CCL28: variants seen among roughly 807,000 people sequenced by gnomAD.
CCL28 encodes the protein C-C motif chemokine 28.
CCL28 carries 4 observed loss-of-function variants against 7.1 expected under a neutral mutation model. The ratio of observed to expected loss-of-function variants is 0.56; its 90% CI spans 0.28 to 1.29. CCL28 has a LOEUF of 1.29. Ranked by LOEUF, CCL28 falls within the 50% of genes most tolerant of loss-of-function variation. CCL28 has a pLI of 0.11. For synonymous variants in CCL28, 55 were observed against 57.8 expected (o/e 0.95, Z 0.22); for missense variants, 151 against 163.4 (o/e 0.92, Z 0.41).
At chr5:43,369,170 C>A in the CCL28 span, among the ~76,000 whole-genome samples, 1 of 151,486 alleles carries the variant, frequency 6.6e-6, no homozygotes, top group African/African-American at 2.4e-5. Flanking sequence ...TTGTTAGAAG[C>A]AAATCACTAG....
Position 43,412,390 on chromosome 5 carries a change from C to T in CCL28, c.-74G>A. ...ATCAGGAAATGAGGCTAAAGGTGTC[C>T]TTGGGCACAGAGAAAGTGCAGAGGA... On this transcript the variant is annotated 5_prime_UTR_variant, in exon 1 of 3. Coordinates refer to ENST00000361115, the MANE Select transcript of CCL28 (RefSeq NM_148672.3). The T allele has an allele frequency of 7.2e-7, 1 of 1,393,494 alleles. No individual in the cohort carries two copies. Among genetic ancestry groups the T allele is most frequent in the Non-Finnish European group, 1.0e-6 (1 of 1,001,502 alleles). 86.3% of individuals were successfully genotyped at this position (1,393,494 alleles called of 1,614,324 possible).
intron 2 of CCL28, among the ~76,000 whole-genome samples, chr5:43,383,218 T>C (rs566521361): frequency 2.0e-5 from 3 of 152,322 alleles, no homozygotes; most frequent in Non-Finnish European, 4.4e-5. Flanking sequence ...TTGAAAAAGA[T>C]ATTGGTGACT....
At chr5:43,395,650 AAG>A (rs1472624749) in intron 1 of CCL28, among the ~76,000 whole-genome samples, 1 of 152,122 alleles carries the variant, frequency 6.6e-6, no homozygotes, top group Admixed American at 6.6e-5. Context: ...TCCAGACGCC[AAG>A]AGAGAGTTCT....
At chr5:43,369,455 C>G in the CCL28 span, among the ~76,000 whole-genome samples, 1 of 152,058 alleles carries the variant, frequency 6.6e-6, no homozygotes, top group Non-Finnish European at 1.5e-5. Flanking sequence ...GATGGATTCT[C>G]TCTCTGCTGC....
chr5:43,406,086 C>T (rs577508879), intron 1 of CCL28, among the ~76,000 whole-genome samples: 1 of 152,200 alleles, frequency 6.6e-6, no homozygotes, highest in South Asian at 2.1e-4. Flanking sequence ...GAGCTGGTAC[C>T]ATTCCTTCTA....
At chr5:43,403,111 A>G (rs1379138132) in intron 1 of CCL28, among the ~76,000 whole-genome samples, 1 of 152,254 alleles carries the variant, frequency 6.6e-6, no homozygotes, top group Non-Finnish European at 1.5e-5. Flanking sequence ...AAAAGGCAGC[A>G]GAAACTTCTG....
At position 43,398,313 on chromosome 5, in the gene CCL28, T is replaced by C. The variant is rs528087966; in HGVS notation, c.65-9837A>G. On this transcript the variant is annotated intron_variant, in intron 1 of 2. Coordinates refer to ENST00000361115, the MANE Select transcript of CCL28 (RefSeq NM_148672.3). ...AACACAGCTAACTGCAGCCTTCACC[T>C]CCTGGCGTCAAGTGATCCTCTTGCC... Among the ~76,000 whole-genome samples, 98 of 152,304 alleles carry C rather than the reference T, an allele frequency of 6.4e-4. 1 individual carries two copies. The highest frequency in any genetic ancestry group is 2.3e-3 in the African/African-American group (94 of 41,568).
At chr5:43,388,252 G>C in intron 2 of CCL28, 98 bp downstream of exon 2, 1 of 1,430,302 alleles carries the variant, frequency 7.0e-7, no homozygotes, top group Non-Finnish European at 9.6e-7. Context: ...ATGATTGTTT[G>C]TATGTTGTAA....
intron 1 of CCL28, among the ~76,000 whole-genome samples, chr5:43,392,489 C>T (rs1450428359): frequency 6.6e-6 from 1 of 152,126 alleles, no homozygotes; most frequent in Non-Finnish European, 1.5e-5. Flanking sequence ...GGAGAACCAC[C>T]GTTCTTGAAA....
chr5:43,370,745 T>C, the CCL28 span, among the ~76,000 whole-genome samples: 1 of 31,192 alleles, frequency 3.2e-5, no homozygotes, highest in East Asian at 3.2e-4. Context: ...TTTCTCTCTC[T>C]TTTTTTTTTT....
chr5:43,405,247 G>T (rs114783313), intron 1 of CCL28, among the ~76,000 whole-genome samples: 8 of 152,198 alleles, frequency 5.3e-5, no homozygotes, highest in Non-Finnish European at 1.0e-4. Flanking sequence ...ATAGTTGGAA[G>T]TAAAGCACTG....
At position 43,383,652 on chromosome 5, in the gene CCL28, T is replaced by TA. The variant is rs774265901; in HGVS notation, c.192-1601dup. Among the ~76,000 whole-genome samples the TA allele has an allele frequency of 1.0e-3, 156 of 152,210 alleles. 1 individual carries two copies. The highest frequency in any genetic ancestry group is 1.8e-3 in the Non-Finnish European group (122 of 68,004). On this transcript the variant is annotated intron_variant, in intron 2 of 2. Coordinates refer to ENST00000361115, the MANE Select transcript of CCL28 (RefSeq NM_148672.3). ...GCTATCATAGGAGAAAACGTGGCTGTAGCACTGTTGCGTAGGAAACAAAAA... is the reference window on the plus strand; with the variant it reads ...GCTATCATAGGAGAAAACGTGGCTGTAAGCACTGTTGCGTAGGAAACAAAAA...
chr5:43,399,697 T>A (rs1740953451), intron 1 of CCL28, among the ~76,000 whole-genome samples: 2 of 152,234 alleles, frequency 1.3e-5, no homozygotes, highest in Admixed American at 1.3e-4. Context: ...AATTACACAG[T>A]GCTTTTCATA....
intron 1 of CCL28, among the ~76,000 whole-genome samples, chr5:43,390,449 A>G (rs778421753): frequency 2.0e-5 from 3 of 152,192 alleles, no homozygotes; most frequent in Non-Finnish European, 4.4e-5. Flanking sequence ...TCCACCCCCA[A>G]CTGCCTCCCT....
At chr5:43,393,637 G>C (rs1740674774) in intron 1 of CCL28, among the ~76,000 whole-genome samples, 2 of 152,200 alleles carry the variant, frequency 1.3e-5, no homozygotes, top group African/African-American at 4.8e-5. Context: ...TTACAGGCGT[G>C]AGCCACCGCG....
At chr5:43,411,843 T>A (rs938472450) in intron 1 of CCL28, among the ~76,000 whole-genome samples, 1 of 152,244 alleles carries the variant, frequency 6.6e-6, no homozygotes, top group African/African-American at 2.4e-5. Context: ...TGGCCAAGTC[T>A]GTATTTCCCT....
downstream of CCL28, among the ~76,000 whole-genome samples, chr5:43,375,268 C>T (rs13181835): frequency 3.4e-5 from 5 of 147,776 alleles, no homozygotes; most frequent in African/African-American, 7.5e-5. Context: ...GGATTACAGG[C>T]GTGAGCCACT....
chr5:43,388,337 G>T lies in CCL28; in HGVS notation c.191+13C>A, dbSNP rs3733767. ...CTGTGCAGGTTTAGACCTCCCGGCT[G>T]ATGAGCACTCACATGACAGCAGCCA... On this transcript the variant is annotated intron_variant, in intron 2 of 2. Transcript: ENST00000361115. 0.049 allele frequency: 78,555 copies of T among 1,613,678 alleles called. 4,532 individuals are homozygous for T. Among genetic ancestry groups the T allele is most frequent in the African/African-American group, 0.28 (20,833 of 74,914 alleles).
chr5:43,370,519 G>T, the CCL28 span, among the ~76,000 whole-genome samples: 24 of 151,680 alleles, frequency 1.6e-4, no homozygotes, highest in Non-Finnish European at 2.5e-4. Flanking sequence ...ATGGCACCTG[G>T]GTTAATAATA....
Sources: gnomAD v4.1 joint callset for allele counts (sites outside exome capture counted in the v4.1 genomes callset) on GRCh38, gnomAD v4.1.1 for gene constraint, MANE v1.5 for transcripts, NCBI Gene and HGNC (gene_info 2026-07-23, HGNC 2026-07-21) for gene names.